Variants in SLC14A2 observed in about 807,000 individuals in gnomAD.
SLC14A2 encodes urea transporter 2.
Under a neutral mutation model 104.6 loss-of-function variants are expected in SLC14A2, and 91 were observed. The observed-to-expected ratio is 0.87, with a 90% confidence interval of 0.73 to 1.04. SLC14A2 has a LOEUF of 1.04. Ranked by LOEUF, SLC14A2 falls within the 50% of genes least tolerant of loss-of-function variation. The probability of loss-of-function intolerance (pLI) is 0.00; values close to 1 mark genes in which losing one functional copy is unlikely to be tolerated. For missense variants in SLC14A2, 1,189 were observed against 1,156.0 expected, an observed-to-expected ratio of 1.03 and a Z score of -0.41; for synonymous variants, 476 against 466.4, an observed-to-expected ratio of 1.02 and a Z score of -0.27.
chr18:45,391,585 CTGT>C (rs1175327234), intron 1 of SLC14A2, among the ~76,000 whole-genome samples: 2 of 152,146 alleles, frequency 1.3e-5, no homozygotes, highest in African/African-American at 2.4e-5. Context: ...TCTCCAGCAC[CTGT>C]TGTTTCCTGA....
intron 1 of SLC14A2, among the ~76,000 whole-genome samples, chr18:45,428,805 C>T (rs2086472226): frequency 6.6e-6 from 1 of 152,212 alleles, no homozygotes; most frequent in Admixed American, 6.5e-5. Context: ...AGAAAACTTT[C>T]ATTTGAGTTC....
intron 1 of SLC14A2, among the ~76,000 whole-genome samples, chr18:45,391,732 A>T (rs1338300213): frequency 6.6e-6 from 1 of 152,070 alleles, no homozygotes; most frequent in Non-Finnish European, 1.5e-5. Flanking sequence ...TTCTTTTGAG[A>T]AGTGTCTGTT....
intron 1 of SLC14A2, among the ~76,000 whole-genome samples, chr18:45,238,136 TC>T (rs1195735519): frequency 6.6e-6 from 1 of 152,116 alleles, no homozygotes; most frequent in Non-Finnish European, 1.5e-5. Flanking sequence ...ACACAGAAAG[TC>T]CCCAAGCTAC....
At chr18:45,360,159 C>T (rs938421263) in intron 1 of SLC14A2, among the ~76,000 whole-genome samples, 3 of 152,216 alleles carry the variant, frequency 2.0e-5, no homozygotes, top group East Asian at 3.9e-4. Flanking sequence ...TCACTGTCTT[C>T]ATCAACATAT....
At chr18:45,338,262 G>A (rs779327983) in intron 1 of SLC14A2, among the ~76,000 whole-genome samples, 8 of 151,912 alleles carry the variant, frequency 5.3e-5, no homozygotes, top group Admixed American at 1.3e-4. Flanking sequence ...GTGCAGTGTC[G>A]TGATCTTGGC....
intron 1 of SLC14A2, among the ~76,000 whole-genome samples, chr18:45,624,273 G>A (rs888822183): frequency 2.6e-5 from 4 of 152,162 alleles, no homozygotes; most frequent in African/African-American, 7.2e-5. Context: ...CTGTGTGTAC[G>A]TATCAAGGGG....
chr18:45,441,522 G>A (rs1043334220), intron 1 of SLC14A2, among the ~76,000 whole-genome samples: 2 of 152,208 alleles, frequency 1.3e-5, no homozygotes, highest in African/African-American at 4.8e-5. Flanking sequence ...TGCTGGAAGG[G>A]CAGTAAGACA....
intron 2 of SLC14A2, among the ~76,000 whole-genome samples, chr18:45,530,054 C>T (rs1387098732): frequency 2.0e-5 from 3 of 151,932 alleles, no homozygotes; most frequent in African/African-American, 7.3e-5. Flanking sequence ...TTCAAGGACT[C>T]GTTAGGAAAC....
chr18:45,297,161 A>G lies in SLC14A2; in HGVS notation c.-125+83970A>G, dbSNP rs370603611. 5.9e-5 allele frequency among the ~76,000 whole-genome samples: 9 copies of G among 152,246 alleles called. No individual in the cohort carries two copies. In the East Asian group the frequency reaches 1.3e-3, roughly 23 times the overall value. On this transcript the variant is annotated intron_variant, in intron 1 of 20. Transcript: ENST00000586448. ...ACATTAACAATCAATATAAGAGATCATGGGTGATGTGTAGATAGTCTGTTC... is the reference window on the plus strand; with the variant it reads ...ACATTAACAATCAATATAAGAGATCGTGGGTGATGTGTAGATAGTCTGTTC...
chr18:45,342,749 A>G (rs1252070055), intron 1 of SLC14A2, among the ~76,000 whole-genome samples: 1 of 152,230 alleles, frequency 6.6e-6, no homozygotes, highest in African/African-American at 2.4e-5. Flanking sequence ...TGTTGAACTG[A>G]ATATGGAAAG....
At chr18:45,210,483 G>A (rs1366777401), upstream of SLC14A2, among the ~76,000 whole-genome samples, 1 of 152,210 alleles carries the variant, frequency 6.6e-6, no homozygotes, top group Non-Finnish European at 1.5e-5. Flanking sequence ...GTAGGCTGAG[G>A]CAGGAGGATT....
chr18:45,457,691 A>C (rs2086969044), intron 1 of SLC14A2, among the ~76,000 whole-genome samples: 1 of 148,562 alleles, frequency 6.7e-6, no homozygotes, highest in Non-Finnish European at 1.5e-5. Context: ...GGAGGTTAAA[A>C]AAAAAAAAAA....
At chr18:45,633,007 CA>C (rs1416534154) in intron 5 of SLC14A2, among the ~76,000 whole-genome samples, 9 of 152,206 alleles carry the variant, frequency 5.9e-5, no homozygotes, top group African/African-American at 1.9e-4. Flanking sequence ...CAAAAGACAA[CA>C]TTTTTTTTAT....
At chr18:45,278,265 G>A (rs1463528506) in intron 1 of SLC14A2, among the ~76,000 whole-genome samples, 1 of 152,178 alleles carries the variant, frequency 6.6e-6, no homozygotes, top group Non-Finnish European at 1.5e-5. Context: ...TCCCTGTTAA[G>A]ACAGGGTTTC....
intron 1 of SLC14A2, among the ~76,000 whole-genome samples, chr18:45,234,864 A>T (rs2084209784): frequency 6.6e-6 from 1 of 152,002 alleles, no homozygotes; most frequent in African/African-American, 2.4e-5. Flanking sequence ...TTCAAAATAC[A>T]TGTTTCTTTA....
intron 2 of SLC14A2, among the ~76,000 whole-genome samples, chr18:45,591,758 C>CA (rs1568289538): frequency 6.6e-6 from 1 of 152,220 alleles, no homozygotes; most frequent in Admixed American, 6.5e-5. Context: ...CCCCACTATA[C>CA]ACTAAGAGTT....
chr18:45,277,735 C>T (rs2084717808), intron 1 of SLC14A2, among the ~76,000 whole-genome samples: 1 of 152,146 alleles, frequency 6.6e-6, no homozygotes, highest in Non-Finnish European at 1.5e-5. Context: ...GCCTCAGTTT[C>T]TACCTTATAA....
intron 1 of SLC14A2, among the ~76,000 whole-genome samples, chr18:45,358,904 G>A (rs562233221): frequency 2.0e-5 from 3 of 152,264 alleles, no homozygotes; most frequent in African/African-American, 4.8e-5. Flanking sequence ...AATGTACAAT[G>A]TATGACCAAA....
chr18:45,178,824 C>T, the SLC14A2 span, among the ~76,000 whole-genome samples: 1 of 152,124 alleles, frequency 6.6e-6, no homozygotes, highest in African/African-American at 2.4e-5. Context: ...TGATGCATAC[C>T]CTAGCTCTAG....
Sources: gnomAD v4.1 joint callset for allele counts (sites outside exome capture counted in the v4.1 genomes callset) on GRCh38, gnomAD v4.1.1 for gene constraint, MANE v1.5 for transcripts, NCBI Gene and HGNC (gene_info 2026-07-23, HGNC 2026-07-21) for gene names.